NBEA: variants seen among roughly 807,000 people sequenced by gnomAD.
NBEA encodes lysosomal-trafficking regulator 2.
NBEA carries 44 observed loss-of-function variants against 343.4 expected under a neutral mutation model. The ratio of observed to expected loss-of-function variants is 0.13; its 90% confidence interval spans 0.10 to 0.16. The LOEUF is 0.16. NBEA is among the 10% of genes least tolerant of loss of function. The probability of loss-of-function intolerance (pLI) is 1.00; values close to 1 mark genes in which losing one functional copy is unlikely to be tolerated. For synonymous variants in NBEA, 1,175 were observed against 1,238.7 expected (o/e 0.95, Z 1.08); for missense variants, 2,555 against 3,631.3 (o/e 0.70, Z 7.62).
At chr13:34,968,400 A>G (rs1441845470) in intron 1 of NBEA, among the ~76,000 whole-genome samples, 1 of 152,076 alleles carries the variant, frequency 6.6e-6, no homozygotes. Flanking sequence ...CCCCAACATG[A>G]GTTAGCTTGT....
intron 48 of NBEA, among the ~76,000 whole-genome samples, chr13:35,619,641 G>A (rs1437587231): frequency 1.3e-5 from 2 of 152,110 alleles, no homozygotes; most frequent in African/African-American, 2.4e-5. Flanking sequence ...TGGATCTCCA[G>A]GTTGGCCACC....
At chr13:35,171,671 TG>T (rs2070474285) in intron 26 of NBEA, among the ~76,000 whole-genome samples, 1 of 152,198 alleles carries the variant, frequency 6.6e-6, no homozygotes, top group South Asian at 2.1e-4. Flanking sequence ...TCATCTTTAA[TG>T]GTTCATAGTT....
At chr13:35,476,934 G>T in intron 41 of NBEA, 1 of 542,796 alleles carries the variant, frequency 1.8e-6, no homozygotes, top group Non-Finnish European at 2.4e-6. Flanking sequence ...GAAGCATATT[G>T]ACGTTTTGAA....
intron 10 of NBEA, among the ~76,000 whole-genome samples, chr13:35,093,585 G>A (rs1164737083): frequency 2.0e-5 from 3 of 152,022 alleles, no homozygotes; most frequent in African/African-American, 7.2e-5. Flanking sequence ...TGGCCTTCCT[G>A]CTGTGGCATG....
chr13:35,461,565 GA>G (rs1179689925), intron 40 of NBEA, among the ~76,000 whole-genome samples: 1 of 152,122 alleles, frequency 6.6e-6, no homozygotes, highest in Non-Finnish European at 1.5e-5. Context: ...CATCTTGTTA[GA>G]TCACATTTGA....
chr13:35,541,641 TA>T (rs1273112255), intron 41 of NBEA, among the ~76,000 whole-genome samples: 1 of 151,954 alleles, frequency 6.6e-6, no homozygotes, highest in Non-Finnish European at 1.5e-5. Context: ...TTTAGTTCAG[TA>T]AAAGGCTATG....
chr13:35,336,907 C>A (rs2039296113), intron 36 of NBEA, among the ~76,000 whole-genome samples: 1 of 152,136 alleles, frequency 6.6e-6, no homozygotes, highest in East Asian at 1.9e-4. Flanking sequence ...AGAAAACATA[C>A]CTATCGGCTA....
intron 1 of NBEA, among the ~76,000 whole-genome samples, chr13:34,965,023 A>G (rs2059776130): frequency 6.6e-6 from 1 of 152,048 alleles, no homozygotes. Flanking sequence ...AGACTTGGTG[A>G]TACATATTAT....
intron 47 of NBEA, among the ~76,000 whole-genome samples, chr13:35,605,158 G>A (rs2082234954): frequency 6.6e-6 from 1 of 152,096 alleles, no homozygotes; most frequent in South Asian, 2.1e-4. Context: ...TTCTTAAAAA[G>A]CAAAGCTCCA....
chr13:35,490,037 C>G lies in NBEA; in HGVS notation c.6585+17501C>G, dbSNP rs576042721. ...TGGCCTGTAACGCTGTAAATCCCATCAACTTGCTTTCCTTTCCTGTTATAA... is the reference window on the plus strand; with the variant it reads ...TGGCCTGTAACGCTGTAAATCCCATGAACTTGCTTTCCTTTCCTGTTATAA... On this transcript the variant is annotated intron_variant, in intron 41 of 58. Coordinates refer to ENST00000379939, the MANE Select transcript of NBEA (RefSeq NM_001385012.1). Among the ~76,000 whole-genome samples, 5 of 152,008 alleles carry G rather than the reference C, an allele frequency of 3.3e-5. No homozygotes were observed. The South Asian group carries it at 1.0e-3, about 32-fold the overall frequency.
At chr13:35,198,226 A>G (rs530973717) in intron 31 of NBEA, among the ~76,000 whole-genome samples, 81 of 152,048 alleles carry the variant, frequency 5.3e-4, no homozygotes, top group Non-Finnish European at 8.7e-4. Context: ...ATGTGTGTTT[A>G]TAAGTTTGTA....
intron 46 of NBEA, among the ~76,000 whole-genome samples, chr13:35,585,345 C>T (rs2081250445): frequency 6.6e-6 from 1 of 152,024 alleles, no homozygotes; most frequent in African/African-American, 2.4e-5. Flanking sequence ...GGGGAGGTCA[C>T]ATATTATGCA....
intron 36 of NBEA, among the ~76,000 whole-genome samples, chr13:35,316,624 A>C (rs528015810): frequency 6.6e-6 from 1 of 152,348 alleles, no homozygotes; most frequent in East Asian, 1.9e-4. Flanking sequence ...GTATATACCC[A>C]GTAATGGGAT....
At chr13:35,033,457 C>T (rs2062317507) in intron 1 of NBEA, among the ~76,000 whole-genome samples, 1 of 151,748 alleles carries the variant, frequency 6.6e-6, no homozygotes, top group African/African-American at 2.4e-5. Context: ...CAGTTTTGTT[C>T]TTTTTGCTTA....
chr13:35,193,125 CTATT>C (rs2152739822), intron 30 of NBEA, among the ~76,000 whole-genome samples: 1 of 152,016 alleles, frequency 6.6e-6, no homozygotes, highest in East Asian at 1.9e-4. Context: ...GTCGCTATAA[CTATT>C]TAAACTATTT....
At chr13:35,588,092 G>A (rs1027783620) in intron 46 of NBEA, among the ~76,000 whole-genome samples, 3 of 151,832 alleles carry the variant, frequency 2.0e-5, no homozygotes, top group Non-Finnish European at 2.9e-5. Context: ...TTGGAGGGAG[G>A]GTACTGAGTC....
In NBEA at chr13:35,159,216, G is replaced by A. The variant is rs1050718935; in HGVS notation, c.3045G>A (p.Glu1015=). 3.1e-6 allele frequency: 5 copies of A among 1,613,404 alleles called. No homozygotes were observed. The African/African-American group carries it at 5.3e-5, about 17-fold the overall frequency. The change falls in exon 22 of 59, where the codon GAG becomes GAA. Residue 1015 remains glutamate (E), a synonymous_variant. Transcript: ENST00000379939. ...DLSQSQSPES[E]TDYPVSTDTR... ...CACAAAGCCAGAGCCCAGAAAGTGA[G>A]ACCGATTACCCTGTCAGCACAGATA...
chr13:35,197,660 G>T (rs975220727), intron 31 of NBEA, among the ~76,000 whole-genome samples: 1 of 151,824 alleles, frequency 6.6e-6, no homozygotes, highest in African/African-American at 2.4e-5. Flanking sequence ...CTGCCACCAC[G>T]CCTGGCTAAT....
rs73169722 is a variant in NBEA, at chr13:35,291,928, C to T, written c.5838+1478C>T. 4.4e-3 allele frequency among the ~76,000 whole-genome samples: 672 copies of T among 151,944 alleles called. 5 individuals carry two copies. The highest frequency in any genetic ancestry group is 6.4e-3 in the Non-Finnish European group (432 of 67,884). On this transcript the variant is annotated intron_variant, in intron 35 of 58. Coordinates refer to ENST00000379939, the MANE Select transcript of NBEA (RefSeq NM_001385012.1). The stretch of plus-strand genomic sequence containing the variant: ...AAAGCAATGTTGTAAACACACCTCT[C>T]GATTTGATTTTTAAGTTGAATTTTT...
Sources: allele counts gnomAD v4.1 joint callset (sites outside exome capture counted in the v4.1 genomes callset), GRCh38; gene constraint gnomAD v4.1.1; transcripts MANE v1.5; gene names NCBI Gene and HGNC (gene_info 2026-07-23, HGNC 2026-07-21).